Variants in MGA observed in about 807,000 individuals in gnomAD.
MGA encodes MAX dimerization protein MGA.
Under a neutral mutation model 261.1 loss-of-function variants are expected in MGA, and 40 were observed. The observed-to-expected ratio is 0.15, with a 90% confidence interval of 0.12 to 0.20. The LOEUF is 0.20. Ranked by LOEUF, MGA falls within the 10% of genes least tolerant of loss-of-function variation. The probability of loss-of-function intolerance (pLI) is 1.00; values close to 1 mark genes in which losing one functional copy is unlikely to be tolerated. For synonymous variants in MGA, 1,302 were observed against 1,290.6 expected, an observed-to-expected ratio of 1.01 and a Z score of -0.19; for missense variants, 3,397 against 3,630.5, an observed-to-expected ratio of 0.94 and a Z score of 1.65.
At chr15:41,726,554 C>A (rs1298862296) in intron 9 of MGA, among the ~76,000 whole-genome samples, 2 of 151,924 alleles carry the variant, frequency 1.3e-5, no homozygotes, top group Non-Finnish European at 2.9e-5. Flanking sequence ...CATGACAAAA[C>A]CCCATCTCTA....
chr15:41,726,976 G>C (rs771710497), intron 9 of MGA, among the ~76,000 whole-genome samples: 12 of 151,990 alleles, frequency 7.9e-5, no homozygotes, highest in Non-Finnish European at 1.6e-4. Context: ...GTTGATAGCT[G>C]GTGTTCAATA....
chr15:41,672,523 A>G (rs2058116187), intron 2 of MGA, among the ~76,000 whole-genome samples: 1 of 152,164 alleles, frequency 6.6e-6, no homozygotes, highest in South Asian at 2.1e-4. Context: ...ATTTTAATGG[A>G]TCAAGAGAGT....
At chr15:41,673,528 T>TTTTC (rs1179101473) in intron 2 of MGA, among the ~76,000 whole-genome samples, 103 of 143,954 alleles carry the variant, frequency 7.2e-4, no homozygotes, top group Non-Finnish European at 8.6e-4. Context: ...GTTGTAGTCT[T>TTTTC]TTTCTTTCTT....
intron 1 of MGA, among the ~76,000 whole-genome samples, chr15:41,646,339 A>T (rs759743831): frequency 2.0e-5 from 3 of 151,116 alleles, no homozygotes; most frequent in Non-Finnish European, 3.0e-5. Context: ...ATATTTATTA[A>T]TTTTTTTCTA....
At chr15:41,674,189 C>G (rs1186034365) in intron 2 of MGA, among the ~76,000 whole-genome samples, 1 of 152,000 alleles carries the variant, frequency 6.6e-6, no homozygotes, top group East Asian at 1.9e-4. Context: ...TACATCTGAC[C>G]AATTATTATT....
intron 17 of MGA, chr15:41,752,134 G>A (rs1419124980): frequency 6.6e-6 from 1 of 152,202 alleles, no homozygotes; most frequent in Non-Finnish European, 1.5e-5. Context: ...TGGGGCTCAA[G>A]CAATTCTCCT....
At chr15:41,757,734 G>C (rs1305393597) in intron 18 of MGA, 54 bp from the exon 19 acceptor site, 2 of 1,426,804 alleles carry the variant, frequency 1.4e-6, no homozygotes. Context: ...CTGTGAAATA[G>C]GTCTTAGATT....
intron 1 of MGA, among the ~76,000 whole-genome samples, chr15:41,623,386 G>A (rs1043984375): frequency 1.3e-5 from 2 of 152,122 alleles, no homozygotes; most frequent in African/African-American, 2.4e-5. Flanking sequence ...GAGTAGGGAA[G>A]GTGTTCCAAA....
Position 41,696,276 on chromosome 15 carries a change from A to G in MGA, c.1266A>G (p.Ile422Met), listed in dbSNP as rs1295223907. Reference sequence around the variant, plus strand: ...ACTCAAACAGTGATGATGATCCTATACTAGAGAAACAGCTAAAGAGGCACA... The same window carrying G: ...ACTCAAACAGTGATGATGATCCTATGCTAGAGAAACAGCTAAAGAGGCACA... Residue 422 changes from isoleucine (I) to methionine (M), a missense_variant, in exon 3 of 24, where the codon ATA becomes ATG. Transcript: ENST00000219905. 1.9e-6 allele frequency: 3 copies of G among 1,613,970 alleles called. No homozygotes were observed. Among genetic ancestry groups the G allele is most frequent in the Non-Finnish European group, 2.5e-6 (3 of 1,179,902 alleles).
intron 9 of MGA, chr15:41,718,479 A>G (rs2060773107): frequency 4.2e-6 from 3 of 720,780 alleles, no homozygotes; most frequent in Non-Finnish European, 5.0e-6. Flanking sequence ...TTGTGAGTCC[A>G]CAGCTTTCTG....
At chr15:41,684,256 A>G (rs900962211) in intron 2 of MGA, 4 of 288,454 alleles carry the variant, frequency 1.4e-5, no homozygotes, top group Non-Finnish European at 2.1e-5. Flanking sequence ...AGTATTTAAA[A>G]CTTTCTTAAT....
At chr15:41,690,769 C>G (rs1197007976) in intron 2 of MGA, among the ~76,000 whole-genome samples, 1 of 152,074 alleles carries the variant, frequency 6.6e-6, no homozygotes, top group African/African-American at 2.4e-5. Flanking sequence ...GTCCCAGCTA[C>G]TCGAGAGGCT....
intron 8 of MGA, among the ~76,000 whole-genome samples, chr15:41,712,048 C>T (rs1380786436): frequency 1.3e-5 from 2 of 152,016 alleles, no homozygotes; most frequent in Admixed American, 6.6e-5. Flanking sequence ...AAATTAAAAA[C>T]CTCTGGAGAG....
At chr15:41,706,443 A>G (rs2060117618) in intron 5 of MGA, among the ~76,000 whole-genome samples, 1 of 151,524 alleles carries the variant, frequency 6.6e-6, no homozygotes, top group Non-Finnish European at 1.5e-5. Flanking sequence ...GATTTTATGT[A>G]TAGGATACAT....
chr15:41,728,402 C>T (rs150924117), intron 10 of MGA, among the ~76,000 whole-genome samples: 285 of 152,266 alleles, frequency 1.9e-3, no homozygotes, highest in African/African-American at 6.5e-3. Flanking sequence ...CCAAATTCTG[C>T]ATATAATTTT....
chr15:41,665,323 A>G (rs1363888576), intron 1 of MGA, among the ~76,000 whole-genome samples: 1 of 152,152 alleles, frequency 6.6e-6, no homozygotes, highest in African/African-American at 2.4e-5. Flanking sequence ...TTTTTGTATA[A>G]AAACTGGAAG....
Position 41,696,232 on chromosome 15 carries a change from G to C in MGA, c.1222G>C (p.Asp408His). Residue 408 changes from aspartate to histidine, a missense_variant, in exon 3 of 24, where the codon GAT becomes CAT. By Grantham distance (81) the Asp-to-His change is moderately conservative. Coordinates refer to ENST00000219905, the MANE Select transcript of MGA (RefSeq NM_001164273.2). ...GGTCACTGTGAAACAGGAAGAGACA[G>C]ATGAAGAGACGGATGTATACTCAAA... 6.2e-7 allele frequency: 1 copy of C among 1,613,932 alleles called. No homozygotes were observed. Among genetic ancestry groups the C allele is most frequent in the Non-Finnish European group, 8.5e-7 (1 of 1,179,866 alleles).
At chr15:41,651,855 C>T in intron 1 of MGA, among the ~76,000 whole-genome samples, 1 of 82,816 alleles carries the variant, frequency 1.2e-5, no homozygotes, top group East Asian at 3.8e-4. Flanking sequence ...CCCCTCTTTT[C>T]CCCTCTTCTC....
At chr15:41,676,032 C>T (rs938700906) in intron 2 of MGA, among the ~76,000 whole-genome samples, 1 of 152,154 alleles carries the variant, frequency 6.6e-6, no homozygotes, top group Non-Finnish European at 1.5e-5. Flanking sequence ...CCATGTGTGA[C>T]ATAGTTTTCA....
Sources: gnomAD v4.1 joint callset for allele counts (sites outside exome capture counted in the v4.1 genomes callset) on GRCh38, gnomAD v4.1.1 for gene constraint, MANE v1.5 for transcripts, NCBI Gene and HGNC (gene_info 2026-07-23, HGNC 2026-07-21) for gene names.